Variants in ACYP2 observed in about 807,000 individuals in gnomAD.
The protein encoded by ACYP2 is acylphosphatase 2, also known as acylphosphatase-2.
A neutral mutation model predicts 11.2 loss-of-function variants in ACYP2; 12 were observed. The ratio of observed to expected loss-of-function variants is 1.08; its 90% CI spans 0.69 to 1.74. The LOEUF (loss-of-function observed/expected upper bound fraction) is 1.74. ACYP2 is among the 40% of genes most tolerant of loss of function. The pLI, the probability that ACYP2 is intolerant of heterozygous loss-of-function variation, is 0.00. For synonymous variants in ACYP2, 43 were observed against 32.2 expected, an observed-to-expected ratio of 1.33 and a Z score of -1.13; for missense variants, 134 against 101.9, an observed-to-expected ratio of 1.31 and a Z score of -1.35.
intron 6 of ACYP2, among the ~76,000 whole-genome samples, chr2:54,164,548 A>G (rs1433818406): frequency 6.6e-6 from 1 of 152,226 alleles, no homozygotes; most frequent in Non-Finnish European, 1.5e-5. Flanking sequence ...AGTAAGGAAG[A>G]GAACTGGCAA....
At chr2:54,105,594 G>C (rs1052445770) in intron 4 of ACYP2, among the ~76,000 whole-genome samples, 7 of 152,038 alleles carry the variant, frequency 4.6e-5, no homozygotes, top group African/African-American at 1.4e-4. Flanking sequence ...AGCCTCCCAA[G>C]TAGCTGGGAC....
chr2:54,065,812 T>C (rs531983794), intron 4 of ACYP2: 1 of 279,076 alleles, frequency 3.6e-6, no homozygotes, highest in East Asian at 6.2e-5. Flanking sequence ...GCTGTGTTTA[T>C]GCATGCTCAG....
At chr2:54,125,604 G>T (rs34490974) in intron 4 of ACYP2, among the ~76,000 whole-genome samples, 7 of 151,844 alleles carry the variant, frequency 4.6e-5, no homozygotes, top group Non-Finnish European at 1.0e-4. Context: ...ACAAAACTTA[G>T]CTGGAGATGG....
At chr2:54,170,933 C>G (rs1006997905) in intron 6 of ACYP2, among the ~76,000 whole-genome samples, 1 of 152,136 alleles carries the variant, frequency 6.6e-6, no homozygotes, top group African/African-American at 2.4e-5. Context: ...AGGTGCAGCG[C>G]CATCCAAGTC....
rs143170248 is a variant in ACYP2 at position 53,993,934 on chromosome 2, C to G, written c.62+20124C>G. 6.9e-3 allele frequency among the ~76,000 whole-genome samples: 1,048 copies of G among 152,068 alleles called. 15 individuals carry two copies. The highest frequency in any genetic ancestry group is 0.024 in the African/African-American group (986 of 41,486). On this transcript the variant is annotated intron_variant, in intron 2 of 6. Transcript: ENST00000607452. Reference sequence around the variant, plus strand: ...GGCACGGTGGTTCACGCCTGTAATCCCAGCGCTTTGGGAGGCCGAGGAGGG... The same window carrying G: ...GGCACGGTGGTTCACGCCTGTAATCGCAGCGCTTTGGGAGGCCGAGGAGGG...
At chr2:54,144,154 G>T (rs561055362) in intron 6 of ACYP2, among the ~76,000 whole-genome samples, 1 of 151,848 alleles carries the variant, frequency 6.6e-6, no homozygotes, top group South Asian at 2.1e-4. Flanking sequence ...AAATTTTTTT[G>T]TGGAGGTGAG....
intron 6 of ACYP2, among the ~76,000 whole-genome samples, chr2:54,299,230 T>C (rs1689630494): frequency 1.3e-5 from 2 of 152,120 alleles, no homozygotes; most frequent in African/African-American, 4.8e-5. Flanking sequence ...CTGGAGAATA[T>C]GACCAGTCCA....
intron 6 of ACYP2, chr2:54,142,970 T>G (rs1681686767): frequency 6.6e-6 from 1 of 152,230 alleles, no homozygotes. Context: ...TTGTTCATGC[T>G]TAAATATGGA....
chr2:54,182,208 C>T (rs571444581), intron 6 of ACYP2, among the ~76,000 whole-genome samples: 168 of 151,606 alleles, frequency 1.1e-3, no homozygotes, highest in African/African-American at 3.9e-3. Context: ...TACAGGCGCC[C>T]GCCACCACGT....
intron 2 of ACYP2, among the ~76,000 whole-genome samples, chr2:54,019,022 G>A (rs1379301973): frequency 6.6e-6 from 1 of 151,906 alleles, no homozygotes; most frequent in Non-Finnish European, 1.5e-5. Flanking sequence ...TGAGATTACA[G>A]GCGTGTGCCA....
At chr2:54,301,564 A>G (rs2104170624) in intron 6 of ACYP2, among the ~76,000 whole-genome samples, 1 of 152,274 alleles carries the variant, frequency 6.6e-6, no homozygotes, top group East Asian at 1.9e-4. Flanking sequence ...GTAAAGTCCT[A>G]CTTAAATATT....
intron 2 of ACYP2, among the ~76,000 whole-genome samples, chr2:53,992,899 G>T (rs1035326707): frequency 6.6e-6 from 1 of 150,550 alleles, no homozygotes; most frequent in African/African-American, 2.4e-5. Context: ...AAGAGAATAC[G>T]CATCAGAAAA....
At chr2:54,284,586 CT>C (rs924403923) in intron 6 of ACYP2, among the ~76,000 whole-genome samples, 30 of 151,486 alleles carry the variant, frequency 2.0e-4, no homozygotes, top group African/African-American at 3.2e-4. Context: ...ACATCATCAC[CT>C]TTTTTTTTAT....
chr2:54,269,267 C>T (rs1472594785), intron 6 of ACYP2, among the ~76,000 whole-genome samples: 1 of 152,146 alleles, frequency 6.6e-6, no homozygotes, highest in Non-Finnish European at 1.5e-5. Flanking sequence ...AACTCTTAAT[C>T]TAAACAATGC....
At chr2:54,073,888 G>A (rs1265401832) in intron 4 of ACYP2, among the ~76,000 whole-genome samples, 1 of 152,202 alleles carries the variant, frequency 6.6e-6, no homozygotes, top group African/African-American at 2.4e-5. Flanking sequence ...AATAACAAGT[G>A]TTGGCATGGA....
intron 6 of ACYP2, among the ~76,000 whole-genome samples, chr2:54,192,282 T>C (rs1684271473): frequency 6.6e-6 from 1 of 152,186 alleles, no homozygotes; most frequent in Non-Finnish European, 1.5e-5. Flanking sequence ...ATTCTTTCTT[T>C]AATTAAATGC....
chr2:54,081,197 T>G (rs1572708500), intron 4 of ACYP2, among the ~76,000 whole-genome samples: 1 of 152,222 alleles, frequency 6.6e-6, no homozygotes, highest in South Asian at 2.1e-4. Context: ...TTTATAATAC[T>G]GCTATAGTTT....
At chr2:54,235,582 C>T (rs537098150) in intron 6 of ACYP2, among the ~76,000 whole-genome samples, 1 of 152,266 alleles carries the variant, frequency 6.6e-6, no homozygotes, top group African/African-American at 2.4e-5. Flanking sequence ...GATCTCCTAA[C>T]CTCGTGATCT....
rs1679694558 is a variant in ACYP2, at chr2:54,115,447, C to A, written c.278-20006C>A. ...TGTGGAGACAGCATCCTCCCCAGTC[C>A]GGGAAGAGAGGCCTAGGATGCCTGG... On this transcript the variant is annotated intron_variant, in intron 4 of 6. Transcript: ENST00000607452. The A allele has an allele frequency of 4.4e-6, 4 of 904,622 alleles. No individual in the cohort carries two copies. In the Admixed American group the frequency reaches 9.6e-5, roughly 22 times the overall value. 56.0% of individuals were successfully genotyped at this position (904,622 alleles called of 1,614,324 possible).
Sources: allele counts gnomAD v4.1 joint callset (sites outside exome capture counted in the v4.1 genomes callset), GRCh38; gene constraint gnomAD v4.1.1; transcripts MANE v1.5; gene names NCBI Gene and HGNC (gene_info 2026-07-23, HGNC 2026-07-21).